The following TEAD1 variants were observed in gnomAD, a reference collection of about 807,000 sequenced individuals.
The protein encoded by TEAD1 is TEA domain transcription factor 1.
Under a neutral mutation model 54.9 loss-of-function variants are expected in TEAD1, and 9 were observed. That is an observed-to-expected ratio of 0.16 (90% CI 0.10 to 0.29). TEAD1 has a LOEUF of 0.29. Ranked by LOEUF, TEAD1 falls within the 10% of genes least tolerant of loss-of-function variation. The probability of loss-of-function intolerance (pLI) is 1.00; values close to 1 mark genes in which losing one functional copy is unlikely to be tolerated. For synonymous variants in TEAD1, 200 were observed against 187.8 expected (o/e 1.07, Z -0.53); for missense variants, 387 against 535.9 (o/e 0.72, Z 2.74).
At chr11:12,781,764 T>C (rs1945550291) in intron 3 of TEAD1, among the ~76,000 whole-genome samples, 1 of 150,928 alleles carries the variant, frequency 6.6e-6, no homozygotes, top group Admixed American at 6.6e-5. Flanking sequence ...GTCTGGAAGT[T>C]CTTTAAAAGA....
At chr11:12,754,167 C>T (rs1030001133) in intron 2 of TEAD1, among the ~76,000 whole-genome samples, 3 of 152,198 alleles carry the variant, frequency 2.0e-5, no homozygotes, top group African/African-American at 7.2e-5. Context: ...CAGTTTAAGT[C>T]GTTCAGCTTT....
At chr11:12,924,792 A>T in intron 10 of TEAD1, 120 bp from the exon 11 acceptor site, 2 of 1,261,390 alleles carry the variant, frequency 1.6e-6, no homozygotes, top group South Asian at 2.4e-5. Context: ...GATGAGCATC[A>T]CCTTCCCAAG....
chr11:12,689,514 C>T (rs764664216), intron 2 of TEAD1, among the ~76,000 whole-genome samples: 6 of 152,154 alleles, frequency 3.9e-5, no homozygotes, highest in Non-Finnish European at 7.3e-5. Context: ...TGAGGGTGAG[C>T]ACAGTGCTGA....
At chr11:12,765,363 CA>C (rs1190187510) in intron 3 of TEAD1, among the ~76,000 whole-genome samples, 1 of 152,166 alleles carries the variant, frequency 6.6e-6, no homozygotes, top group Non-Finnish European at 1.5e-5. Context: ...GTTGAGTTGA[CA>C]GAGTTCGCAC....
chr11:12,827,375 G>A (rs768054726), intron 3 of TEAD1, among the ~76,000 whole-genome samples: 1 of 152,192 alleles, frequency 6.6e-6, no homozygotes, highest in Non-Finnish European at 1.5e-5. Context: ...AATAGATGAA[G>A]TTATAGAATC....
At chr11:12,675,361 TC>T (rs1799164214) in intron 1 of TEAD1, 47 bp from the exon 2 acceptor site, 1 of 152,218 alleles carries the variant, frequency 6.6e-6, no homozygotes, top group Admixed American at 6.5e-5. Context: ...GTTCGCTCCT[TC>T]TTCTCAAAGA....
intron 2 of TEAD1, among the ~76,000 whole-genome samples, chr11:12,741,055 G>C (rs1330233920): frequency 6.6e-6 from 1 of 151,964 alleles, no homozygotes; most frequent in Non-Finnish European, 1.5e-5. Context: ...CAATATCACT[G>C]TCCTAACTTA....
At chr11:12,879,542 A>G in intron 5 of TEAD1, 166 bp from the exon 6 acceptor site, 1 of 803,374 alleles carries the variant, frequency 1.2e-6, no homozygotes, top group Non-Finnish European at 2.1e-6. Flanking sequence ...CGGTAGGTTG[A>G]GTGTGGTTTA....
chr11:12,887,251 C>CA (rs1216204353), intron 9 of TEAD1, among the ~76,000 whole-genome samples: 2 of 152,144 alleles, frequency 1.3e-5, no homozygotes. Context: ...CATCCACCAC[C>CA]ACGCCCGGCT....
intron 2 of TEAD1, among the ~76,000 whole-genome samples, chr11:12,696,466 G>A (rs1943584739): frequency 6.6e-6 from 1 of 152,204 alleles, no homozygotes; most frequent in South Asian, 2.1e-4. Flanking sequence ...ACTTTGCAGA[G>A]AGACAAGGAA....
chr11:12,800,829 CAT>C (rs1208182184), intron 3 of TEAD1, among the ~76,000 whole-genome samples: 3 of 152,226 alleles, frequency 2.0e-5, no homozygotes, highest in African/African-American at 7.2e-5. Context: ...AGGCTAGTCT[CAT>C]AGATTTCTAA....
chr11:12,677,319 C>T (rs979211066), intron 2 of TEAD1, among the ~76,000 whole-genome samples: 3 of 151,916 alleles, frequency 2.0e-5, no homozygotes, highest in African/African-American at 4.8e-5. Flanking sequence ...AATGTGTGCC[C>T]AGGCCCCAGC....
At chr11:12,708,998 A>G (rs887857059) in intron 2 of TEAD1, among the ~76,000 whole-genome samples, 8 of 152,194 alleles carry the variant, frequency 5.3e-5, no homozygotes, top group African/African-American at 1.9e-4. Flanking sequence ...CTCATTTTCT[A>G]CTTCCTACTT....
intron 3 of TEAD1, among the ~76,000 whole-genome samples, chr11:12,794,956 C>T (rs928477720): frequency 6.6e-6 from 1 of 152,228 alleles, no homozygotes; most frequent in Non-Finnish European, 1.5e-5. Flanking sequence ...CAGTCTCATG[C>T]ATCTCAGCAA....
rs1949136037 is a variant in TEAD1, at chr11:12,939,042, A to C, written c.*1820A>C. The C allele has an allele frequency of 6.6e-6, 1 of 152,246 alleles. No individual in the cohort carries two copies. Among genetic ancestry groups the C allele is most frequent in the Admixed American group, 6.5e-5 (1 of 15,286 alleles). The allele number at this position is 152,246 out of a possible 1,614,324, so 9.4% of individuals were successfully genotyped here. A position where few individuals can be genotyped will look rare whatever the true frequency, so the allele number is the denominator to read the frequency against. ...CAGTCAGCATCTTGTGGTCCCTAAC[A>C]TGAGGATGTGGCTGGCTCGTGGGAA... is the stretch of plus-strand genomic sequence containing the variant. On this transcript the variant is annotated 3_prime_UTR_variant, in exon 13 of 13. Coordinates refer to ENST00000527636, the MANE Select transcript of TEAD1 (RefSeq NM_021961.6).
intron 2 of TEAD1, among the ~76,000 whole-genome samples, chr11:12,725,157 C>T (rs918514937): frequency 6.6e-6 from 1 of 152,156 alleles, no homozygotes; most frequent in Non-Finnish European, 1.5e-5. Context: ...ATTAAAACAA[C>T]TCTGAATTGG....
At chr11:12,697,030 G>C (rs1265417919) in intron 2 of TEAD1, among the ~76,000 whole-genome samples, 1 of 152,196 alleles carries the variant, frequency 6.6e-6, no homozygotes, top group Admixed American at 6.5e-5. Context: ...GTGGTGCTAG[G>C]TTCAAGCATG....
At chr11:12,905,609 G>A (rs887363754) in intron 10 of TEAD1, among the ~76,000 whole-genome samples, 2 of 152,148 alleles carry the variant, frequency 1.3e-5, no homozygotes, top group African/African-American at 4.8e-5. Context: ...TCTATCCTTG[G>A]ATATCAGTAG....
intron 3 of TEAD1, among the ~76,000 whole-genome samples, chr11:12,787,620 A>G (rs1315727979): frequency 6.6e-6 from 1 of 152,230 alleles, no homozygotes; most frequent in Non-Finnish European, 1.5e-5. Flanking sequence ...TTAAAAGTAG[A>G]GAAGAGTGAG....
Sources: allele counts gnomAD v4.1 joint callset (sites outside exome capture counted in the v4.1 genomes callset), GRCh38; gene constraint gnomAD v4.1.1; transcripts MANE v1.5; gene names NCBI Gene and HGNC (gene_info 2026-07-23, HGNC 2026-07-21).